AR: variants seen among roughly 807,000 people sequenced by gnomAD.
The protein encoded by AR is androgen receptor.
In AR, 8 loss-of-function variants were observed where a neutral mutation model predicts 53.9. The observed-to-expected ratio is 0.15, with a 90% CI of 0.09 to 0.27. The LOEUF is 0.27. AR is among the 10% of genes least tolerant of loss of function. The pLI, the probability that AR is intolerant of heterozygous loss-of-function variation, is 1.00. For synonymous variants in AR, 359 were observed against 316.4 expected (o/e 1.13, Z -1.43); for missense variants, 639 against 742.5 (o/e 0.86, Z 1.62).
chrX:67,584,050 G>A (rs1200267141), intron 1 of AR, among the ~76,000 whole-genome samples: 1 of 112,320 alleles, frequency 8.9e-6, no homozygotes, highest in Non-Finnish European at 1.9e-5. Context: ...AAATCAGAAA[G>A]GAGGTAGTTC....
chrX:67,674,635 C>T (rs763036285), intron 2 of AR, among the ~76,000 whole-genome samples: 55 of 111,532 alleles, frequency 4.9e-4, no homozygotes, highest in African/African-American at 1.6e-3. Flanking sequence ...ACTCAAGGCC[C>T]AGGGGTTCTT....
intron 3 of AR, among the ~76,000 whole-genome samples, chrX:67,709,191 G>T (rs970434657): frequency 2.7e-5 from 3 of 112,073 alleles, no homozygotes; most frequent in African/African-American, 9.7e-5. Flanking sequence ...ATTTAAGTCT[G>T]CAGAGGTTTC....
intron 1 of AR, among the ~76,000 whole-genome samples, chrX:67,574,141 T>A (rs1356793306): frequency 8.9e-6 from 1 of 111,906 alleles, no homozygotes; most frequent in Non-Finnish European, 1.9e-5. Context: ...TTGCAAGTGG[T>A]GGTTTACTTC....
chrX:67,550,591 C>T (rs756317809), intron 1 of AR, among the ~76,000 whole-genome samples: 6 of 108,466 alleles, frequency 5.5e-5, no homozygotes, highest in African/African-American at 1.7e-4. Context: ...GAGCAGAATG[C>T]GGACTGGGTG....
At chrX:67,609,978 A>G (rs1436500685) in intron 1 of AR, among the ~76,000 whole-genome samples, 1 of 111,673 alleles carries the variant, frequency 9.0e-6, no homozygotes, top group East Asian at 2.8e-4. Flanking sequence ...TCTAGAGGCC[A>G]AGAAGGAGGT....
intron 2 of AR, among the ~76,000 whole-genome samples, chrX:67,643,758 A>C (rs552152289): frequency 1.8e-4 from 20 of 111,886 alleles, no homozygotes; most frequent in African/African-American, 6.2e-4. Flanking sequence ...TCCTTATTAG[A>C]GAGGTTAGAA....
At chrX:67,630,774 G>T (rs1398570877) in intron 1 of AR, among the ~76,000 whole-genome samples, 2 of 110,490 alleles carry the variant, frequency 1.8e-5, no homozygotes, top group Non-Finnish European at 1.9e-5. Context: ...GCAGCGGCTG[G>T]TACCGGTCGT....
chrX:67,610,881 G>T (rs1333745014), intron 1 of AR, among the ~76,000 whole-genome samples: 1 of 111,389 alleles, frequency 9.0e-6, no homozygotes, highest in Non-Finnish European at 1.9e-5. Flanking sequence ...ACTTTGGATT[G>T]AATATTGGTG....
intron 3 of AR, among the ~76,000 whole-genome samples, chrX:67,693,802 T>C (rs1363629224): frequency 8.9e-6 from 1 of 112,145 alleles, no homozygotes; most frequent in African/African-American, 3.2e-5. Flanking sequence ...CTCAGTCCAG[T>C]TCAACCTTGT....
intron 2 of AR, among the ~76,000 whole-genome samples, chrX:67,651,999 G>A (rs1042306202): frequency 2.7e-5 from 3 of 111,615 alleles, no homozygotes; most frequent in Non-Finnish European, 5.6e-5. Flanking sequence ...GACAGGATGT[G>A]TGGCTATAAA....
chrX:67,588,714 A>G (rs779916987), intron 1 of AR, among the ~76,000 whole-genome samples: 1 of 112,291 alleles, frequency 8.9e-6, no homozygotes, highest in Non-Finnish European at 1.9e-5. Flanking sequence ...ATTGGTTTTT[A>G]TTCTCTATCT....
intron 1 of AR, among the ~76,000 whole-genome samples, chrX:67,631,044 C>T (rs994244045): frequency 2.7e-5 from 3 of 111,461 alleles, no homozygotes; most frequent in Admixed American, 9.5e-5. Context: ...TGAGGGTAAC[C>T]TGACCTTTCT....
chrX:67,565,370 G>A (rs1160100585), intron 1 of AR, among the ~76,000 whole-genome samples: 1 of 111,524 alleles, frequency 9.0e-6, no homozygotes, highest in African/African-American at 3.3e-5. Flanking sequence ...TTTCCCTCTT[G>A]CATTTTGTTT....
At chrX:67,637,796 G>A (rs772549699) in intron 1 of AR, among the ~76,000 whole-genome samples, 2 of 110,758 alleles carry the variant, frequency 1.8e-5, no homozygotes, top group Non-Finnish European at 3.8e-5. Flanking sequence ...AGCTTTCTGC[G>A]TGTTTCCATT....
Position 67,674,179 on chromosome X carries a change from T to C in AR, c.1769-11831T>C, listed in dbSNP as rs200728845. ...ATAGAGTCTCTCTCTCTCTCTCTCT[T>C]TCTCTCTCTCTCTCTCCCTCTCATT... On this transcript the variant is annotated intron_variant, in intron 2 of 7. Transcript: ENST00000374690. 3.4e-4 allele frequency among the ~76,000 whole-genome samples: 35 copies of C among 103,628 alleles called. No individual in the cohort carries two copies. In the Middle Eastern group the frequency reaches 0.019, roughly 57 times the overall value. 90.0% of individuals were successfully genotyped at this position (103,628 alleles called of 115,157 possible). A position where few individuals can be genotyped will look rare whatever the true frequency, so the allele number is the denominator to read the frequency against.
intron 1 of AR, among the ~76,000 whole-genome samples, chrX:67,565,834 A>G (rs1196980611): frequency 9.0e-6 from 1 of 111,516 alleles, no homozygotes; most frequent in Non-Finnish European, 1.9e-5. Flanking sequence ...CTGGGATTAC[A>G]GACATGTGCT....
intron 1 of AR, among the ~76,000 whole-genome samples, chrX:67,577,348 T>A (rs1922102853): frequency 1.8e-5 from 2 of 111,542 alleles, no homozygotes; most frequent in Admixed American, 9.6e-5. Context: ...TATTAATGTA[T>A]CATATTTGTT....
chrX:67,580,975 A>C (rs1470789516), intron 1 of AR, among the ~76,000 whole-genome samples: 2 of 112,211 alleles, frequency 1.8e-5, no homozygotes, highest in Non-Finnish European at 3.8e-5. Flanking sequence ...TTAGTTGAAT[A>C]ATCTAAGCCA....
At chrX:67,622,224 G>A (rs1013295957) in intron 1 of AR, among the ~76,000 whole-genome samples, 1 of 111,741 alleles carries the variant, frequency 8.9e-6, no homozygotes, top group African/African-American at 3.3e-5. Context: ...ACATAATGTG[G>A]AAATAGCTCT....
Sources: allele counts gnomAD v4.1 joint callset (sites outside exome capture counted in the v4.1 genomes callset), GRCh38; gene constraint gnomAD v4.1.1; transcripts MANE v1.5; gene names NCBI Gene and HGNC (gene_info 2026-07-23, HGNC 2026-07-21).